Variants in FLACC1 observed in about 807,000 individuals in gnomAD.
FLACC1 encodes flagellum associated containing coiled-coil domains 1.
A neutral mutation model predicts 62.8 loss-of-function variants in FLACC1; 66 were observed. The observed-to-expected ratio is 1.05, with a 90% CI of 0.86 to 1.29. The LOEUF (loss-of-function observed/expected upper bound fraction) is 1.29, where lower values mean the gene tolerates loss of function less well. Among genes scored for constraint, FLACC1 ranks in the 50% most tolerant of loss-of-function variants. The pLI, the probability that FLACC1 is intolerant of heterozygous loss-of-function variation, is 0.00. For missense variants in FLACC1, 452 were observed against 489.1 expected (o/e 0.92, Z 0.71); for synonymous variants, 156 against 161.0 (o/e 0.97, Z 0.24).
intron 9 of FLACC1, among the ~76,000 whole-genome samples, chr2:201,309,905 C>CAAAAAAAAAAAAA (rs1161849891): frequency 2.2e-5 from 1 of 44,670 alleles, no homozygotes; most frequent in Non-Finnish European, 5.4e-5. Flanking sequence ...GACTCTGTCT[C>CAAAAAAAAAAAAA]AAAAAAAAAA....
intron 9 of FLACC1, among the ~76,000 whole-genome samples, chr2:201,319,640 A>G (rs1052374073): frequency 3.3e-5 from 5 of 152,254 alleles, no homozygotes; most frequent in Non-Finnish European, 7.3e-5. Flanking sequence ...TCCAGAATCT[A>G]TAAGTAACTT....
intron 9 of FLACC1, among the ~76,000 whole-genome samples, chr2:201,310,457 G>T (rs751108596): frequency 5.3e-5 from 8 of 152,148 alleles, no homozygotes; most frequent in Non-Finnish European, 1.0e-4. Context: ...AGGCCAACTA[G>T]AACTAGTTGG....
At chr2:201,293,737 GT>G (rs1163458948) in intron 12 of FLACC1, among the ~76,000 whole-genome samples, 1 of 151,940 alleles carries the variant, frequency 6.6e-6, no homozygotes, top group Non-Finnish European at 1.5e-5. Flanking sequence ...CCAGGAGCTG[GT>G]TTTTTGAAAA....
At position 201,326,584 on chromosome 2, in the gene FLACC1, T is replaced by A. The variant is rs114324064; in HGVS notation, c.675+3886A>T. Among the ~76,000 whole-genome samples the A allele has an allele frequency of 6.6e-6, 1 of 152,076 alleles. No individual in the cohort carries two copies. The highest frequency in any genetic ancestry group is 2.4e-5 in the African/African-American group (1 of 41,518). Reference sequence around the variant, plus strand: ...CCCTTTTACAACAGCTACAAAAAAATAAAATACTTAGGAATGTACTTAACC... The same window carrying A: ...CCCTTTTACAACAGCTACAAAAAAAAAAAATACTTAGGAATGTACTTAACC... On this transcript the variant is annotated intron_variant, in intron 9 of 14. Coordinates refer to ENST00000392257, the MANE Select transcript of FLACC1 (RefSeq NM_001127391.3). The surrounding 1 kb of genome is among the most constrained non-coding windows in gnomAD (Gnocchi z 4.1).
At chr2:201,331,904 G>A (rs1461376335) in intron 7 of FLACC1, among the ~76,000 whole-genome samples, 2 of 152,168 alleles carry the variant, frequency 1.3e-5, no homozygotes, top group African/African-American at 4.8e-5. Context: ...TATAACAAAT[G>A]TTACCACTTT....
intron 9 of FLACC1, among the ~76,000 whole-genome samples, chr2:201,315,619 A>T (rs994772508): frequency 6.6e-6 from 1 of 152,158 alleles, no homozygotes; most frequent in Admixed American, 6.5e-5. Flanking sequence ...GGACTTCATT[A>T]CTCCACTGAC....
Position 201,350,627 on chromosome 2 carries a change from G to A in FLACC1, c.185+84C>T, listed in dbSNP as rs563744312. The A allele has an allele frequency of 2.4e-6, 3 of 1,240,158 alleles. No individual in the cohort carries two copies. In the South Asian group the frequency reaches 4.2e-5, roughly 17 times the overall value. 76.8% of individuals were successfully genotyped at this position (1,240,158 alleles called of 1,614,324 possible). A position where few individuals can be genotyped will look rare whatever the true frequency, so the allele number is the denominator to read the frequency against. ...GACTGGGAGGCAGAGGTTGCAGTGA[G>A]CCAAGGTTACACCACTGCACTCTAG... On this transcript the variant is annotated intron_variant, in intron 3 of 14. Coordinates refer to ENST00000392257, the MANE Select transcript of FLACC1 (RefSeq NM_001127391.3).
chr2:201,304,041 A>G (rs6725056), intron 11 of FLACC1, among the ~76,000 whole-genome samples: 51,162 of 152,128 alleles, frequency 0.34, 10,139 homozygotes, highest in East Asian at 0.48. Context: ...GCCTTCTCTC[A>G]CCACTCCTAT....
In FLACC1 at chr2:201,351,390, A is replaced by C. The variant is rs964428900; in HGVS notation, c.15T>G (p.Pro5=). 112 of 1,613,688 alleles carry C rather than the reference A, an allele frequency of 6.9e-5. No individual in the cohort carries two copies. The highest frequency in any genetic ancestry group is 1.7e-4 in the Middle Eastern group (1 of 5,954). ...GGTCCCAGCAGGTGCAGTAGATGAG[A>C]GGGTTGGGGTACATGGCCAAAGGTC... MYPN[P]LIYCTCWDPW... is the part of the protein sequence containing the mutation. The change falls in exon 2 of 15, where the codon CCT becomes CCG. Residue 5 remains proline, a synonymous_variant. Transcript: ENST00000392257.
chr2:201,346,146 CAG>C lies in FLACC1; in HGVS notation c.368+394_368+395del, dbSNP rs1950909494. On this transcript the variant is annotated intron_variant, in intron 5 of 14. Transcript: ENST00000392257. This position sits in a 1 kb window ranked among gnomAD's most constrained non-coding sequence, Gnocchi z 4.0. ...TGCCACTAAACTCCAGCCTGGGTGG[CAG>C]AGAGAGACTCTGTCTCAAAAAAAAA... 6.6e-6 allele frequency among the ~76,000 whole-genome samples: 1 copy of C among 151,962 alleles called. No individual in the cohort carries two copies. The highest frequency in any genetic ancestry group is 2.1e-4 in the South Asian group (1 of 4,816).
At chr2:201,340,397 TA>T (rs908678196) in intron 7 of FLACC1, among the ~76,000 whole-genome samples, 47 of 152,338 alleles carry the variant, frequency 3.1e-4, no homozygotes, top group African/African-American at 1.0e-3. Context: ...GTGCTACTGC[TA>T]AAGATTTTTA....
intron 12 of FLACC1, among the ~76,000 whole-genome samples, chr2:201,293,293 G>A (rs1949780223): frequency 6.6e-6 from 1 of 152,166 alleles, no homozygotes; most frequent in South Asian, 2.1e-4. Flanking sequence ...CTCAGCAAAT[G>A]TAAAAGAACA....
intron 9 of FLACC1, among the ~76,000 whole-genome samples, chr2:201,316,354 A>G (rs1950307320): frequency 6.6e-6 from 1 of 152,210 alleles, no homozygotes; most frequent in Non-Finnish European, 1.5e-5. Flanking sequence ...AAATAAGCTT[A>G]ATTAGAAATG....
intron 7 of FLACC1, among the ~76,000 whole-genome samples, chr2:201,333,457 G>C (rs1025663656): frequency 1.3e-5 from 2 of 151,920 alleles, no homozygotes; most frequent in African/African-American, 4.8e-5. Context: ...ATAATGTGCA[G>C]GTTAGTTACA....
intron 6 of FLACC1, among the ~76,000 whole-genome samples, chr2:201,343,413 G>T (rs1950849753): frequency 1.3e-5 from 2 of 152,124 alleles, no homozygotes; most frequent in Non-Finnish European, 2.9e-5. Flanking sequence ...GATAAATAAG[G>T]TAATGAATCA....
chr2:201,359,565 C>T (rs1390522829), upstream of FLACC1, among the ~76,000 whole-genome samples: 1 of 152,204 alleles, frequency 6.6e-6, no homozygotes, highest in African/African-American at 2.4e-5. Flanking sequence ...AGACCTGTTG[C>T]TTGATTGCAA....
intron 1 of FLACC1, among the ~76,000 whole-genome samples, chr2:201,353,036 T>A (rs1057078170): frequency 6.6e-6 from 1 of 152,208 alleles, no homozygotes; most frequent in Non-Finnish European, 1.5e-5. Context: ...ATTTTGGACT[T>A]TGACTTTCAG....
chr2:201,353,324 G>C (rs973320849), intron 1 of FLACC1, among the ~76,000 whole-genome samples: 14 of 152,140 alleles, frequency 9.2e-5, no homozygotes, highest in Admixed American at 2.6e-4. Flanking sequence ...GTGGAATGGG[G>C]ATGTATAAGA....
chr2:201,363,714 A>G, the FLACC1 span, among the ~76,000 whole-genome samples: 1 of 152,018 alleles, frequency 6.6e-6, no homozygotes, highest in African/African-American at 2.4e-5. Flanking sequence ...CAGCCTGAGC[A>G]CCTCACCCTT....
Sources: gnomAD v4.1 joint callset for allele counts (sites outside exome capture counted in the v4.1 genomes callset) on GRCh38, gnomAD v4.1.1 for gene constraint, Gnocchi (gnomAD v3.1) non-coding constraint, MANE v1.5 for transcripts, NCBI Gene and HGNC (gene_info 2026-07-23, HGNC 2026-07-21) for gene names.